The following ZFAND3 variants were observed in gnomAD, a reference collection of about 807,000 sequenced individuals.
ZFAND3 encodes zinc finger AN1-type containing 3, also known as AN1-type zinc finger protein 3.
ZFAND3 carries 10 observed loss-of-function variants against 29.6 expected under a neutral mutation model. That is an observed-to-expected ratio of 0.34 (90% CI 0.21 to 0.57). ZFAND3 has a LOEUF of 0.57. Among genes scored for constraint, ZFAND3 ranks in the 20% least tolerant of loss-of-function variants. ZFAND3 has a pLI of 0.86. For missense variants in ZFAND3, 230 were observed against 304.5 expected (o/e 0.76, Z 1.82); for synonymous variants, 128 against 112.6 (o/e 1.14, Z -0.87).
intron 2 of ZFAND3, among the ~76,000 whole-genome samples, chr6:37,968,552 TACTACG>T (rs2127427406): frequency 6.6e-6 from 1 of 152,170 alleles, no homozygotes; most frequent in African/African-American, 2.4e-5. Flanking sequence ...GGCTAGCAGT[TACTACG>T]AGAGAGGCTT....
intron 2 of ZFAND3, among the ~76,000 whole-genome samples, chr6:38,033,825 ATC>A (rs1763608823): frequency 6.6e-6 from 1 of 152,192 alleles, no homozygotes. Context: ...ATCACAGGGT[ATC>A]TCTATGACAA....
intron 1 of ZFAND3, among the ~76,000 whole-genome samples, chr6:37,916,281 A>G (rs1310221835): frequency 1.3e-5 from 2 of 152,142 alleles, no homozygotes; most frequent in Non-Finnish European, 2.9e-5. Context: ...TGAAACAAAG[A>G]CTTGCTCAAT....
intron 1 of ZFAND3, among the ~76,000 whole-genome samples, chr6:37,828,583 T>A (rs1163013300): frequency 6.6e-6 from 1 of 152,118 alleles, no homozygotes; most frequent in Admixed American, 6.5e-5. Flanking sequence ...GTGATTTCAA[T>A]GTGAGTTGCT....
intron 4 of ZFAND3, among the ~76,000 whole-genome samples, chr6:38,096,903 T>C (rs1764991861): frequency 6.6e-6 from 1 of 152,208 alleles, no homozygotes; most frequent in Non-Finnish European, 1.5e-5. Flanking sequence ...AGCATATTCA[T>C]TAGCGGTTAG....
At chr6:38,125,809 A>T (rs1765623883) in intron 5 of ZFAND3, among the ~76,000 whole-genome samples, 1 of 152,210 alleles carries the variant, frequency 6.6e-6, no homozygotes, top group South Asian at 2.1e-4. Context: ...TCTTTGTTTA[A>T]TAAAGTTTTT....
At chr6:38,089,425 G>A (rs1764822246) in intron 4 of ZFAND3, among the ~76,000 whole-genome samples, 2 of 152,068 alleles carry the variant, frequency 1.3e-5, no homozygotes, top group African/African-American at 4.8e-5. Context: ...ACCACACCCA[G>A]CCTTGACTCA....
At chr6:37,835,840 A>G (rs574922012) in intron 1 of ZFAND3, among the ~76,000 whole-genome samples, 2 of 152,340 alleles carry the variant, frequency 1.3e-5, no homozygotes, top group East Asian at 1.9e-4. Flanking sequence ...ATGAGCATAT[A>G]CATTTCTAGC....
At chr6:37,923,915 A>G (rs894182251) in intron 1 of ZFAND3, among the ~76,000 whole-genome samples, 5 of 152,248 alleles carry the variant, frequency 3.3e-5, no homozygotes, top group Non-Finnish European at 5.9e-5. Context: ...ATTCTGAATT[A>G]TAGATATCTA....
intron 2 of ZFAND3, among the ~76,000 whole-genome samples, chr6:37,951,120 A>AT (rs1191960143): frequency 1.3e-5 from 2 of 151,570 alleles, no homozygotes; most frequent in African/African-American, 2.4e-5. Flanking sequence ...TTTTATTTTT[A>AT]TTTTTTTGTG....
At chr6:37,956,559 A>G (rs1210602029) in intron 2 of ZFAND3, among the ~76,000 whole-genome samples, 5 of 152,246 alleles carry the variant, frequency 3.3e-5, no homozygotes, top group Non-Finnish European at 5.9e-5. Flanking sequence ...AATGGCATCA[A>G]GTGAGGTAGG....
chr6:38,116,833 T>C (rs912534107), intron 5 of ZFAND3, 94 bp downstream of exon 5: 2 of 1,477,908 alleles, frequency 1.4e-6, no homozygotes, highest in South Asian at 2.7e-5. Context: ...TTCGTTCTTC[T>C]TCTGAGTACT....
intron 3 of ZFAND3, among the ~76,000 whole-genome samples, chr6:38,066,873 A>G (rs1041807233): frequency 2.0e-5 from 3 of 152,198 alleles, no homozygotes; most frequent in African/African-American, 7.2e-5. Context: ...GCAGGTATCT[A>G]AAAGCTCTTA....
chr6:37,982,660 A>G (rs1343980124), intron 2 of ZFAND3, among the ~76,000 whole-genome samples: 1 of 152,236 alleles, frequency 6.6e-6, no homozygotes, highest in Non-Finnish European at 1.5e-5. Flanking sequence ...TGTACACCAC[A>G]TAGTGCTTGA....
At chr6:37,946,561 T>C (rs143328294) in intron 2 of ZFAND3, among the ~76,000 whole-genome samples, 109 of 152,326 alleles carry the variant, frequency 7.2e-4, no homozygotes, top group African/African-American at 2.5e-3. Flanking sequence ...AATTGTGACC[T>C]ATTTTTTTCC....
intron 2 of ZFAND3, among the ~76,000 whole-genome samples, chr6:37,945,356 A>G (rs904478551): frequency 1.3e-5 from 2 of 152,174 alleles, no homozygotes; most frequent in African/African-American, 2.4e-5. Flanking sequence ...GTGGAGGCAG[A>G]TAATTTTGGA....
At chr6:38,107,036 A>G (rs116426257) in intron 4 of ZFAND3, among the ~76,000 whole-genome samples, 2,854 of 152,280 alleles carry the variant, frequency 0.019, 42 homozygotes, top group Non-Finnish European at 0.032. Context: ...AGAATTTTAG[A>G]GAATTGAGTA....
At chr6:37,875,070 A>C (rs1764767419) in intron 1 of ZFAND3, among the ~76,000 whole-genome samples, 1 of 152,246 alleles carries the variant, frequency 6.6e-6, no homozygotes, top group Non-Finnish European at 1.5e-5. Context: ...CACCAGAAGA[A>C]CAATAATCAT....
At chr6:37,934,529 TA>T (rs34477813) in intron 2 of ZFAND3, among the ~76,000 whole-genome samples, 21,870 of 125,246 alleles carry the variant, frequency 0.17, 1,756 homozygotes, top group East Asian at 0.34. Context: ...TTAGTCTATT[TA>T]AAAAAAAAAA....
At chr6:37,885,073 C>A (rs1017443086) in intron 1 of ZFAND3, among the ~76,000 whole-genome samples, 3 of 152,116 alleles carry the variant, frequency 2.0e-5, no homozygotes, top group African/African-American at 7.2e-5. Context: ...GTCTTGGGGG[C>A]CTCTTGAATC....
Sources: allele counts gnomAD v4.1 joint callset (sites outside exome capture counted in the v4.1 genomes callset), GRCh38; gene constraint gnomAD v4.1.1; transcripts MANE v1.5; gene names NCBI Gene and HGNC (gene_info 2026-07-23, HGNC 2026-07-21).